Variants in DNAH12 observed in about 807,000 individuals in gnomAD.
DNAH12 encodes the protein axonemal beta dynein heavy chain 12.
A neutral mutation model predicts 371.5 loss-of-function variants in DNAH12; 285 were observed. The observed-to-expected ratio is 0.77, with a 90% CI of 0.70 to 0.85. DNAH12 has a LOEUF of 0.85. Ranked by LOEUF, DNAH12 falls within the 40% of genes least tolerant of loss-of-function variation. The pLI is 0.00. For synonymous variants in DNAH12, 1,200 were observed against 1,213.0 expected (o/e 0.99, Z 0.22); for missense variants, 3,611 against 3,689.4 (o/e 0.98, Z 0.55).
chr3:57,324,479 ATTAATAT>A (rs1309536507), intron 62 of DNAH12, among the ~76,000 whole-genome samples: 2 of 152,158 alleles, frequency 1.3e-5, no homozygotes, highest in African/African-American at 4.8e-5. Context: ...TTTGGATGAG[ATTAATAT>A]TTAAATTAGT....
intron 69 of DNAH12, among the ~76,000 whole-genome samples, chr3:57,306,688 C>T (rs185910081): frequency 6.6e-6 from 1 of 152,280 alleles, no homozygotes; most frequent in East Asian, 1.9e-4. Flanking sequence ...TCCCACAGCA[C>T]ACTTTAAGAG....
At chr3:57,382,157 C>T (rs2063406173) in intron 50 of DNAH12, 105 bp downstream of exon 50, 1 of 152,140 alleles carries the variant, frequency 6.6e-6, no homozygotes, top group Non-Finnish European at 1.5e-5. Flanking sequence ...ATCTGGAAAA[C>T]AATGTTTCTT....
chr3:57,446,003 A>AAATT, intron 27 of DNAH12, 28 bp downstream of exon 27: 1 of 1,201,572 alleles, frequency 8.3e-7, no homozygotes, highest in Non-Finnish European at 1.1e-6. Flanking sequence ...TAAAATAAAT[A>AAATT]AATAAATAAA....
intron 58 of DNAH12, among the ~76,000 whole-genome samples, chr3:57,361,910 A>C (rs2062945371): frequency 6.6e-6 from 1 of 152,174 alleles, no homozygotes; most frequent in East Asian, 1.9e-4. Flanking sequence ...CATGTGCACA[A>C]TGTGCAGGTT....
In DNAH12 at chr3:57,508,521, G is replaced by A. The variant is rs546474797; in HGVS notation, c.562C>T (p.Pro188Ser). Residue 188 changes from proline to serine, a missense_variant, in exon 7 of 74, where the codon CCT becomes TCT. Around this residue, in one of 3 missense-constraint regions of DNAH12, gnomAD observed 1,314 missense variants for 1,398.7 expected, o/e 0.94. Coordinates refer to ENST00000495027, the MANE Select transcript of DNAH12 (RefSeq NM_001366028.2). ...ESPVGLDYSNPWHSSYVQARN... is the reference protein window; with the variant it reads ...ESPVGLDYSNSWHSSYVQARN... ...GCCTGCACATAGCTAGAATGCCAAG[G>A]ATTAGAATAATCTAGGCCTCTGGAA... is the stretch of plus-strand genomic sequence containing the variant. The A allele has an allele frequency of 2.5e-6, 4 of 1,611,814 alleles. No homozygotes were observed. Among genetic ancestry groups the A allele is most frequent in the East Asian group, 2.2e-5 (1 of 44,764 alleles).
At chr3:57,402,423 T>C in intron 43 of DNAH12, 1 of 1,304,926 alleles carries the variant, frequency 7.7e-7, no homozygotes, top group Non-Finnish European at 1.0e-6. Context: ...GGGACAGCAA[T>C]AAAGCTCTAA....
At chr3:57,369,666 T>C (rs1034922562) in intron 55 of DNAH12, among the ~76,000 whole-genome samples, 3 of 152,170 alleles carry the variant, frequency 2.0e-5, no homozygotes, top group Non-Finnish European at 4.4e-5. Context: ...AACAATAAAG[T>C]TATTTTTTCA....
upstream of DNAH12, among the ~76,000 whole-genome samples, chr3:57,549,305 C>T (rs1487974918): frequency 6.6e-6 from 1 of 152,086 alleles, no homozygotes; most frequent in Non-Finnish European, 1.5e-5. Flanking sequence ...CACTTGAGGT[C>T]AGGAGTTCGA....
intron 43 of DNAH12, among the ~76,000 whole-genome samples, chr3:57,395,982 A>T (rs1575541698): frequency 6.6e-6 from 1 of 151,600 alleles, no homozygotes. Flanking sequence ...TTAAAAATTT[A>T]AAAATTTTAA....
At chr3:57,389,581 A>G (rs917495527) in intron 45 of DNAH12, among the ~76,000 whole-genome samples, 2 of 151,902 alleles carry the variant, frequency 1.3e-5, no homozygotes, top group Non-Finnish European at 2.9e-5. Context: ...TATGGGCATC[A>G]CATTCTCAAG....
At chr3:57,325,239 T>G (rs890644699) in intron 62 of DNAH12, among the ~76,000 whole-genome samples, 3 of 152,214 alleles carry the variant, frequency 2.0e-5, no homozygotes, top group African/African-American at 7.2e-5. Context: ...AGCACGCAGC[T>G]GGAGATCTGA....
chr3:57,465,282 A>C (rs1559689513), intron 17 of DNAH12, among the ~76,000 whole-genome samples: 1 of 152,232 alleles, frequency 6.6e-6, no homozygotes. Flanking sequence ...TGTTTTAAAA[A>C]CCTTTCCTAC....
chr3:57,447,628 A>G (rs13074607), intron 25 of DNAH12, among the ~76,000 whole-genome samples: 64,409 of 152,014 alleles, frequency 0.42, 15,241 homozygotes, highest in South Asian at 0.57. Context: ...TTAAAAATCC[A>G]AGAGAGACAG....
Position 57,405,901 on chromosome 3 carries a change from A to C in DNAH12, c.6328T>G (p.Tyr2110Asp). ...NLLPTPTKSHYTFNLRDFSRV... is the reference protein window; with the variant it reads ...NLLPTPTKSHDTFNLRDFSRV... The stretch of plus-strand genomic sequence containing the variant: ...GAAAAATCACGCAAGTTGAAAGTAT[A>C]ATGGGATTTTGTGGGAGTGGGTAAA... The change falls in exon 41 of 74, where the codon TAT becomes GAT. Residue 2110 changes from tyrosine (Y) to aspartate (D), a missense_variant. Coordinates refer to ENST00000495027, the MANE Select transcript of DNAH12 (RefSeq NM_001366028.2). 6.5e-7 allele frequency: 1 copy of C among 1,550,022 alleles called. No homozygotes were observed. Among genetic ancestry groups the C allele is most frequent in the South Asian group, 1.2e-5 (1 of 84,052 alleles).
At chr3:57,426,840 A>T (rs1284745371) in intron 34 of DNAH12, among the ~76,000 whole-genome samples, 55 of 151,922 alleles carry the variant, frequency 3.6e-4, no homozygotes, top group Middle Eastern at 3.4e-3. Flanking sequence ...AAAAAAAAAA[A>T]AAAAAAAATC....
intron 5 of DNAH12, among the ~76,000 whole-genome samples, chr3:57,510,236 G>C (rs1164304457): frequency 1.3e-5 from 2 of 151,876 alleles, no homozygotes; most frequent in Non-Finnish European, 2.9e-5. Context: ...AAAAATCAAA[G>C]AGAAGTTAGC....
At chr3:57,462,995 T>C (rs1245135149) in intron 17 of DNAH12, 120 bp from the exon 18 acceptor site, 13 of 660,762 alleles carry the variant, frequency 2.0e-5, no homozygotes, top group Non-Finnish European at 3.2e-5. Flanking sequence ...AATATATTTC[T>C]ATCAGTACAA....
chr3:57,400,747 G>GT (rs2063839590), intron 43 of DNAH12, among the ~76,000 whole-genome samples: 1 of 152,186 alleles, frequency 6.6e-6, no homozygotes, highest in South Asian at 2.1e-4. Context: ...AAAGCCACAA[G>GT]TAAGGGGGGA....
chr3:57,325,715 G>A (rs2061926138), intron 62 of DNAH12, among the ~76,000 whole-genome samples: 1 of 152,194 alleles, frequency 6.6e-6, no homozygotes, highest in Admixed American at 6.5e-5. Context: ...AACAAAGCTG[G>A]ACGGAGAGTG....
Sources: gnomAD v4.1 joint callset for allele counts (sites outside exome capture counted in the v4.1 genomes callset) on GRCh38, gnomAD v4.1.1 for gene constraint, gnomAD v4.1.1 regional missense constraint, MANE v1.5 for transcripts, NCBI Gene and HGNC (gene_info 2026-07-23, HGNC 2026-07-21) for gene names.